JAKMIP2: variants seen among roughly 807,000 people sequenced by gnomAD.
JAKMIP2 encodes the protein janus kinase and microtubule-interacting protein 2.
JAKMIP2 carries 25 observed loss-of-function variants against 115.0 expected under a neutral mutation model. The observed-to-expected ratio is 0.22, with a 90% confidence interval of 0.16 to 0.30. JAKMIP2 has a LOEUF of 0.30. Ranked by LOEUF, JAKMIP2 falls within the 10% of genes least tolerant of loss-of-function variation. The pLI is 1.00. For synonymous variants in JAKMIP2, 334 were observed against 343.6 expected, an observed-to-expected ratio of 0.97 and a Z score of 0.31; for missense variants, 642 against 957.6, an observed-to-expected ratio of 0.67 and a Z score of 4.35.
At chr5:147,660,680 T>C (rs1385208697) in intron 3 of JAKMIP2, 1 of 445,190 alleles carries the variant, frequency 2.2e-6, no homozygotes, top group Non-Finnish European at 4.1e-6. Flanking sequence ...ATACTTTCCA[T>C]ATATATGGTC....
chr5:147,730,379 C>T (rs1478283467), intron 1 of JAKMIP2, among the ~76,000 whole-genome samples: 1 of 152,088 alleles, frequency 6.6e-6, no homozygotes, highest in East Asian at 1.9e-4. Flanking sequence ...AACATCTGAT[C>T]ACCCTCAATA....
chr5:147,753,810 G>GT (rs1427156207), intron 1 of JAKMIP2, among the ~76,000 whole-genome samples: 92 of 129,536 alleles, frequency 7.1e-4, no homozygotes, highest in Non-Finnish European at 1.3e-3. Flanking sequence ...TCAGCAGAAT[G>GT]TATTTTTTTT....
At chr5:147,771,229 C>T (rs549668747) in intron 1 of JAKMIP2, among the ~76,000 whole-genome samples, 14 of 152,050 alleles carry the variant, frequency 9.2e-5, no homozygotes, top group South Asian at 4.1e-4. Flanking sequence ...GTCAGAATCT[C>T]GTTCCATCAG....
At chr5:147,758,961 G>A (rs1754839437) in intron 1 of JAKMIP2, among the ~76,000 whole-genome samples, 1 of 152,120 alleles carries the variant, frequency 6.6e-6, no homozygotes, top group African/African-American at 2.4e-5. Context: ...ACTGGAAAGT[G>A]TCTGCTCTTA....
chr5:147,744,705 A>C (rs1156323904), intron 1 of JAKMIP2, among the ~76,000 whole-genome samples: 1 of 152,140 alleles, frequency 6.6e-6, no homozygotes, highest in Non-Finnish European at 1.5e-5. Context: ...TGGGTGATGG[A>C]TGTCTTTCAG....
At chr5:147,643,088 G>T (rs183369941) in intron 7 of JAKMIP2, among the ~76,000 whole-genome samples, 180 of 152,074 alleles carry the variant, frequency 1.2e-3, no homozygotes, top group Non-Finnish European at 2.2e-3. Context: ...CTCACCTTGC[G>T]ATCGTGTGTG....
At chr5:147,669,176 T>C (rs544179843) in intron 2 of JAKMIP2, among the ~76,000 whole-genome samples, 1 of 152,326 alleles carries the variant, frequency 6.6e-6, no homozygotes, top group Admixed American at 6.5e-5. Context: ...TACAATCCTA[T>C]TTATTTATAA....
In JAKMIP2 at chr5:147,650,340, G is replaced by A; in HGVS notation, c.835C>T (p.Pro279Ser). The change falls in exon 4 of 22, where the codon CCT becomes TCT. Residue 279 changes from proline to serine, a missense_variant and splice_region_variant. Physicochemically the swap from Pro to Ser is moderately conservative, Grantham distance 74 (BLOSUM62 -1). Transcript: ENST00000616793. ...AACTTCAACTAGAATGGACTTACAG[G>A]ACTGCTGCAGTGTTCGGAACCATCA... ...AGDGSEHCSS[P>S]DLRRNQKRIA... The A allele has an allele frequency of 6.3e-7, 1 of 1,597,860 alleles. No homozygotes were observed. The highest frequency in any genetic ancestry group is 1.3e-5 in the African/African-American group (1 of 74,688).
Position 147,684,372 on chromosome 5 carries a change from T to C in JAKMIP2, c.-148-12418A>G, listed in dbSNP as rs1490529639. On this transcript the variant is annotated intron_variant, in intron 1 of 21. Transcript: ENST00000616793. ...GAATTGTATCATGAGGCCAAGACTATATCTGGCTCCCTGTTAAATCCCAGT... is the reference window on the plus strand; with the variant it reads ...GAATTGTATCATGAGGCCAAGACTACATCTGGCTCCCTGTTAAATCCCAGT... Among the ~76,000 whole-genome samples the C allele has an allele frequency of 3.3e-5, 5 of 152,022 alleles. No homozygotes were observed. The East Asian group carries it at 9.6e-4, about 29-fold the overall frequency.
intron 1 of JAKMIP2, among the ~76,000 whole-genome samples, chr5:147,712,559 C>G (rs1481122553): frequency 2.0e-5 from 3 of 152,184 alleles, no homozygotes; most frequent in Non-Finnish European, 4.4e-5. Context: ...AGCCCTTCCA[C>G]TAACAATATT....
intron 8 of JAKMIP2, 57 bp from the exon 9 acceptor site, chr5:147,640,880 C>A: frequency 1.3e-6 from 2 of 1,518,166 alleles, no homozygotes; most frequent in Non-Finnish European, 1.8e-6. Context: ...GAAAGTTGAA[C>A]GTTAAAATAC....
At chr5:147,648,638 T>A (rs1422776469) in intron 4 of JAKMIP2, among the ~76,000 whole-genome samples, 164 bp from the exon 5 acceptor site, 1 of 152,230 alleles carries the variant, frequency 6.6e-6, no homozygotes, top group East Asian at 1.9e-4. Flanking sequence ...TACCCTTTTA[T>A]AACTCTCAAT....
intron 5 of JAKMIP2, among the ~76,000 whole-genome samples, chr5:147,647,688 T>G (rs1435459340): frequency 1.3e-5 from 2 of 152,196 alleles, no homozygotes; most frequent in Non-Finnish European, 2.9e-5. Context: ...GGAAAAGATA[T>G]GGAGAAACTA....
chr5:147,782,650 G>C lies in JAKMIP2; in HGVS notation c.-343C>G. On this transcript the variant is annotated 5_prime_UTR_variant, in exon 1 of 22. Coordinates refer to ENST00000616793, the MANE Select transcript of JAKMIP2 (RefSeq NM_001270941.2). ...CAGCCCCACTAGAGTATCAGCAATAGAGGCGGCGGCGGCGGCAGCAGCAGC... is the reference window on the plus strand; with the variant it reads ...CAGCCCCACTAGAGTATCAGCAATACAGGCGGCGGCGGCGGCAGCAGCAGC... The C allele has an allele frequency of 1.5e-6, 1 of 683,118 alleles. No individual in the cohort carries two copies. Among genetic ancestry groups the C allele is most frequent in the Non-Finnish European group, 2.6e-6 (1 of 378,164 alleles). The allele number at this position is 683,118 out of a possible 1,614,324, so 42.3% of individuals were successfully genotyped here. A position where few individuals can be genotyped will look rare whatever the true frequency, so the allele number is the denominator to read the frequency against.
At chr5:147,627,487 T>C (rs748328364) in intron 16 of JAKMIP2, among the ~76,000 whole-genome samples, 9 of 152,070 alleles carry the variant, frequency 5.9e-5, no homozygotes, top group Non-Finnish European at 1.2e-4. Flanking sequence ...AGGGTCTGTA[T>C]GCCAAATTCT....
intron 12 of JAKMIP2, among the ~76,000 whole-genome samples, chr5:147,633,429 C>T (rs1346489146): frequency 4.6e-5 from 7 of 152,196 alleles, no homozygotes; most frequent in African/African-American, 1.7e-4. Flanking sequence ...AAATGGCTCA[C>T]TTTATCTCCT....
chr5:147,702,643 AG>A (rs1678368099), intron 1 of JAKMIP2, among the ~76,000 whole-genome samples: 2 of 134,412 alleles, frequency 1.5e-5, no homozygotes, highest in African/African-American at 3.1e-5. Context: ...AAAGAAAGAA[AG>A]AAAGAAAGAA....
At chr5:147,634,118 C>G (rs1203032769) in intron 12 of JAKMIP2, among the ~76,000 whole-genome samples, 1 of 152,136 alleles carries the variant, frequency 6.6e-6, no homozygotes, top group African/African-American at 2.4e-5. Context: ...TTTAGAAATA[C>G]AAACCAGGGC....
At chr5:147,644,755 G>C in intron 6 of JAKMIP2, 95 bp downstream of exon 6, 1 of 1,151,250 alleles carries the variant, frequency 8.7e-7, no homozygotes, top group Non-Finnish European at 1.2e-6. Flanking sequence ...AAATAGCACT[G>C]TATTTTTAAA....
Sources: allele counts gnomAD v4.1 joint callset (sites outside exome capture counted in the v4.1 genomes callset), GRCh38; gene constraint gnomAD v4.1.1; transcripts MANE v1.5; gene names NCBI Gene and HGNC (gene_info 2026-07-23, HGNC 2026-07-21).